MPPED2: variants seen among roughly 807,000 people sequenced by gnomAD.
The protein encoded by MPPED2 is metallophosphoesterase domain containing 2, also known as metallophosphoesterase MPPED2.
In MPPED2, 5 loss-of-function variants were observed where a neutral mutation model predicts 33.0. The ratio of observed to expected loss-of-function variants is 0.15; its 90% CI spans 0.08 to 0.32. The LOEUF is 0.32. Ranked by LOEUF, MPPED2 falls within the 10% of genes least tolerant of loss-of-function variation. MPPED2 has a pLI of 1.00. For synonymous variants in MPPED2, 136 were observed against 141.9 expected (o/e 0.96, Z 0.29); for missense variants, 275 against 372.1 (o/e 0.74, Z 2.15).
chr11:30,435,000 TCTC>T (rs1949262260), intron 4 of MPPED2, among the ~76,000 whole-genome samples: 1 of 152,146 alleles, frequency 6.6e-6, no homozygotes, highest in South Asian at 2.1e-4. Flanking sequence ...TATTTCTTCT[TCTC>T]CTTCAAATTT....
At chr11:30,462,174 T>C (rs1950538714) in intron 4 of MPPED2, among the ~76,000 whole-genome samples, 1 of 152,240 alleles carries the variant, frequency 6.6e-6, no homozygotes, top group Non-Finnish European at 1.5e-5. Flanking sequence ...TGAACACCTG[T>C]TCTTCATTAC....
chr11:30,438,264 CATTT>C (rs1277634360), intron 4 of MPPED2, among the ~76,000 whole-genome samples: 1 of 152,168 alleles, frequency 6.6e-6, no homozygotes, highest in Non-Finnish European at 1.5e-5. Flanking sequence ...GTGATATACT[CATTT>C]ATAAGAGCTT....
At chr11:30,414,362 A>G in intron 5 of MPPED2, 21 bp from the exon 6 acceptor site, 1 of 1,452,608 alleles carries the variant, frequency 6.9e-7, no homozygotes, top group Non-Finnish European at 9.7e-7. Flanking sequence ...AATGCAATCA[A>G]TACACTTAAT....
intron 2 of MPPED2, among the ~76,000 whole-genome samples, chr11:30,572,497 A>T (rs1956745085): frequency 6.6e-6 from 1 of 152,190 alleles, no homozygotes; most frequent in Non-Finnish European, 1.5e-5. Context: ...CTAAAAGGAC[A>T]ATTCAGCATT....
chr11:30,427,968 C>CT (rs1441593890), intron 4 of MPPED2, among the ~76,000 whole-genome samples: 2 of 152,160 alleles, frequency 1.3e-5, no homozygotes, highest in Non-Finnish European at 2.9e-5. Flanking sequence ...TTCGACTCTA[C>CT]TTTTTCTAAG....
chr11:30,414,813 T>A (rs983172792), intron 5 of MPPED2, among the ~76,000 whole-genome samples: 1 of 152,184 alleles, frequency 6.6e-6, no homozygotes, highest in Non-Finnish European at 1.5e-5. Flanking sequence ...ATACACTAAG[T>A]CTTACCCCTT....
At chr11:30,584,405 C>T (rs1029625030) in intron 1 of MPPED2, among the ~76,000 whole-genome samples, 1 of 151,440 alleles carries the variant, frequency 6.6e-6, no homozygotes, top group African/African-American at 2.4e-5. Context: ...CCCTTCTAGG[C>T]TCACGGCTGG....
chr11:30,510,184 C>A (rs569026736), intron 3 of MPPED2, among the ~76,000 whole-genome samples: 24 of 152,008 alleles, frequency 1.6e-4, no homozygotes, highest in Non-Finnish European at 2.9e-4. Context: ...TGTACTATCA[C>A]GGTTTAAGGC....
At chr11:30,451,834 G>A (rs16920697) in intron 4 of MPPED2, 6 of 985,070 alleles carry the variant, frequency 6.1e-6, no homozygotes, top group Non-Finnish European at 7.2e-6. Flanking sequence ...GACAGGCTGC[G>A]GTGGGAAGTC....
At chr11:30,532,100 G>T (rs1261812607) in intron 3 of MPPED2, among the ~76,000 whole-genome samples, 1 of 152,192 alleles carries the variant, frequency 6.6e-6, no homozygotes, top group Non-Finnish European at 1.5e-5. Context: ...TATTGTGGGG[G>T]TTGTATGAAA....
chr11:30,555,611 A>G (rs1258202937), intron 2 of MPPED2, among the ~76,000 whole-genome samples: 4 of 152,128 alleles, frequency 2.6e-5, no homozygotes, highest in Non-Finnish European at 5.9e-5. Flanking sequence ...TGGTTTTATA[A>G]AGGGCAGACC....
intron 4 of MPPED2, among the ~76,000 whole-genome samples, chr11:30,474,612 G>A (rs1249206961): frequency 1.3e-5 from 2 of 152,130 alleles, no homozygotes; most frequent in African/African-American, 2.4e-5. Flanking sequence ...CTAAAACAAT[G>A]AGAGTCTCTT....
chr11:30,484,308 C>T (rs1344573687), intron 4 of MPPED2, among the ~76,000 whole-genome samples: 1 of 152,134 alleles, frequency 6.6e-6, no homozygotes, highest in Non-Finnish European at 1.5e-5. Flanking sequence ...AGGTACTTCT[C>T]ATTGCCTGTT....
At chr11:30,386,277 G>C (rs1017007419) in exon 7 of MPPED2, 1 of 153,720 alleles carries the variant, frequency 6.5e-6, no homozygotes, top group Non-Finnish European at 1.4e-5. Flanking sequence ...GGCCTTGAAG[G>C]CATTTCAGAG....
At chr11:30,553,093 C>A (rs1487311709) in intron 2 of MPPED2, among the ~76,000 whole-genome samples, 2 of 152,160 alleles carry the variant, frequency 1.3e-5, no homozygotes, top group African/African-American at 2.4e-5. Flanking sequence ...TGTTCCAATG[C>A]AAACCAAGGG....
chr11:30,416,936 A>G (rs535253516), intron 5 of MPPED2, among the ~76,000 whole-genome samples: 1 of 152,328 alleles, frequency 6.6e-6, no homozygotes, highest in East Asian at 1.9e-4. Context: ...GCACACAGAC[A>G]ATATAAATCT....
At chr11:30,578,317 G>C (rs1484188441) in intron 2 of MPPED2, among the ~76,000 whole-genome samples, 1 of 152,104 alleles carries the variant, frequency 6.6e-6, no homozygotes, top group Non-Finnish European at 1.5e-5. Flanking sequence ...AGCCCTTATT[G>C]GCAATAAAAG....
intron 2 of MPPED2, among the ~76,000 whole-genome samples, chr11:30,544,807 G>T (rs1357095704): frequency 6.6e-6 from 1 of 152,210 alleles, no homozygotes; most frequent in Non-Finnish European, 1.5e-5. Context: ...AGTGGGTACA[G>T]AACACAAGGT....
intron 4 of MPPED2, among the ~76,000 whole-genome samples, chr11:30,435,667 C>T (rs530310596): frequency 3.9e-5 from 6 of 152,170 alleles, no homozygotes; most frequent in Non-Finnish European, 7.4e-5. Context: ...ATTCACATCC[C>T]TTCCCTAGAC....
Sources: gnomAD v4.1 joint callset for allele counts (sites outside exome capture counted in the v4.1 genomes callset) on GRCh38, gnomAD v4.1.1 for gene constraint, MANE v1.5 for transcripts, NCBI Gene and HGNC (gene_info 2026-07-23, HGNC 2026-07-21) for gene names.